The following RUNX2 variants were observed in gnomAD, a reference collection of about 807,000 sequenced individuals.
RUNX2 encodes the protein runt-related transcription factor 2.
Under a neutral mutation model 51.7 loss-of-function variants are expected in RUNX2, and 10 were observed. That is an observed-to-expected ratio of 0.19 (90% CI 0.12 to 0.33). The LOEUF is 0.33. Among genes scored for constraint, RUNX2 ranks in the 10% least tolerant of loss-of-function variants. RUNX2 has a pLI of 1.00. For synonymous variants in RUNX2, 276 were observed against 273.6 expected (o/e 1.01, Z -0.09); for missense variants, 562 against 691.3 (o/e 0.81, Z 2.10).
rs181503953 is a variant in RUNX2, at chr6:45,534,044, G to A, written c.1022-11173G>A. Among the ~76,000 whole-genome samples, 400 of 151,794 alleles carry A rather than the reference G, an allele frequency of 2.6e-3. 1 individual carries two copies. Among genetic ancestry groups the A allele is most frequent in the African/African-American group, 9.1e-3 (377 of 41,320 alleles). On this transcript the variant is annotated intron_variant, in intron 7 of 8. Coordinates refer to ENST00000647337, the MANE Select transcript of RUNX2 (RefSeq NM_001024630.4). The stretch of plus-strand genomic sequence containing the variant: ...CGAGTAGCTGGGACTACAGGTGCCC[G>A]CCATCACGCCTGGCTAATTTTTGTA...
intron 2 of RUNX2, among the ~76,000 whole-genome samples, chr6:45,330,445 A>AG (rs1444737047): frequency 1.3e-5 from 2 of 152,012 alleles, no homozygotes; most frequent in African/African-American, 4.8e-5. Flanking sequence ...GGGATAACAG[A>AG]GGCAGTTAAG....
At chr6:45,465,924 G>C (rs1167786132) in intron 5 of RUNX2, among the ~76,000 whole-genome samples, 1 of 151,990 alleles carries the variant, frequency 6.6e-6, no homozygotes, top group Non-Finnish European at 1.5e-5. Context: ...GGGATTATAG[G>C]CGTGAGCGAC....
At chr6:45,541,808 C>T (rs551471090) in intron 7 of RUNX2, among the ~76,000 whole-genome samples, 1 of 152,334 alleles carries the variant, frequency 6.6e-6, no homozygotes, top group East Asian at 1.9e-4. Flanking sequence ...TCCCAGCTGA[C>T]AGCCCCAATG....
At chr6:45,485,691 G>GTATATATATATATATATA (rs1368496560) in intron 5 of RUNX2, among the ~76,000 whole-genome samples, 19 of 82,154 alleles carry the variant, frequency 2.3e-4, no homozygotes, top group African/African-American at 5.1e-4. Flanking sequence ...GTGTGTGTGT[G>GTATATATATATATATATA]TGTGTGTATA....
At chr6:45,445,617 C>T (rs1798971862) in intron 5 of RUNX2, among the ~76,000 whole-genome samples, 1 of 152,064 alleles carries the variant, frequency 6.6e-6, no homozygotes, top group South Asian at 2.1e-4. Context: ...TCACTGTCTC[C>T]GAAGTGCCCA....
At position 45,504,598 on chromosome 6, in the gene RUNX2, G is replaced by T. The variant is rs146547753; in HGVS notation, c.860-7648G>T. 6.6e-5 allele frequency among the ~76,000 whole-genome samples: 10 copies of T among 152,276 alleles called. No individual in the cohort carries two copies. In the East Asian group the frequency reaches 1.9e-3, roughly 29 times the overall value. On this transcript the variant is annotated intron_variant, in intron 6 of 8. Coordinates refer to ENST00000647337, the MANE Select transcript of RUNX2 (RefSeq NM_001024630.4). ...TGACAGGGTTATTAGAAAAGACATA[G>T]AATTTAACATTTCATATTTAGTGTA...
intron 5 of RUNX2, among the ~76,000 whole-genome samples, chr6:45,447,197 C>T (rs1799027796): frequency 1.3e-5 from 2 of 152,206 alleles, no homozygotes; most frequent in African/African-American, 4.8e-5. Flanking sequence ...CAGTGAGTGG[C>T]AGTGTGCAGC....
At chr6:45,355,121 C>A (rs1255761741) in intron 2 of RUNX2, among the ~76,000 whole-genome samples, 1 of 149,030 alleles carries the variant, frequency 6.7e-6, no homozygotes. Context: ...GCCACAGGAG[C>A]ATGCCAAAAG....
At chr6:45,522,776 T>C (rs954697430) in intron 7 of RUNX2, among the ~76,000 whole-genome samples, 3 of 152,242 alleles carry the variant, frequency 2.0e-5, no homozygotes, top group African/African-American at 7.2e-5. Flanking sequence ...TAGCATTCAG[T>C]AGAAAAGTCT....
intron 4 of RUNX2, among the ~76,000 whole-genome samples, chr6:45,437,119 A>G (rs1359709744): frequency 6.6e-6 from 1 of 152,244 alleles, no homozygotes; most frequent in Non-Finnish European, 1.5e-5. Context: ...CAAATATGCT[A>G]CCAAACTTTT....
chr6:45,477,185 C>T (rs982805377), intron 5 of RUNX2, among the ~76,000 whole-genome samples: 4 of 152,154 alleles, frequency 2.6e-5, no homozygotes, highest in Non-Finnish European at 5.9e-5. Context: ...TTTCTCTTTC[C>T]TAGATCACTT....
chr6:45,334,229 T>C (rs1427253914), intron 2 of RUNX2, among the ~76,000 whole-genome samples: 1 of 151,196 alleles, frequency 6.6e-6, no homozygotes, highest in Non-Finnish European at 1.5e-5. Context: ...AATTTTATTT[T>C]ACATTTCAGT....
intron 7 of RUNX2, among the ~76,000 whole-genome samples, chr6:45,521,452 A>G (rs992268238): frequency 6.6e-6 from 1 of 152,240 alleles, no homozygotes; most frequent in Non-Finnish European, 1.5e-5. Context: ...ATGCCAAAAC[A>G]TATTTTAGGT....
chr6:45,342,528 C>T (rs12205312), intron 2 of RUNX2, among the ~76,000 whole-genome samples: 7 of 152,072 alleles, frequency 4.6e-5, no homozygotes, highest in Admixed American at 2.6e-4. Context: ...CAAAGTGCTG[C>T]GATTACACGC....
intron 5 of RUNX2, among the ~76,000 whole-genome samples, chr6:45,471,508 G>A (rs182277270): frequency 4.7e-5 from 7 of 149,982 alleles, no homozygotes; most frequent in Admixed American, 4.0e-4. Flanking sequence ...GTGGTGGCGC[G>A]ATCTCGGCTC....
At chr6:45,373,140 C>A (rs143523977) in intron 2 of RUNX2, among the ~76,000 whole-genome samples, 15 of 152,120 alleles carry the variant, frequency 9.9e-5, no homozygotes, top group Admixed American at 9.8e-4. Flanking sequence ...TTTCTAGAGA[C>A]CAGGTCTCAC....
chr6:45,444,087 T>C (rs1189055713), intron 5 of RUNX2, among the ~76,000 whole-genome samples: 1 of 152,192 alleles, frequency 6.6e-6, no homozygotes, highest in East Asian at 1.9e-4. Flanking sequence ...TGACCTCAGG[T>C]GATCTGCCCG....
intron 2 of RUNX2, among the ~76,000 whole-genome samples, chr6:45,403,475 C>A (rs935721512): frequency 2.0e-5 from 3 of 152,028 alleles, no homozygotes; most frequent in African/African-American, 7.2e-5. Flanking sequence ...TCAGGTGATC[C>A]GCCCGCCTCA....
intron 4 of RUNX2, among the ~76,000 whole-genome samples, chr6:45,437,159 G>T (rs927469833): frequency 6.6e-6 from 1 of 152,106 alleles, no homozygotes; most frequent in Admixed American, 6.5e-5. Context: ...CTTATTCGTC[G>T]CTTTTAGCTC....
Sources: gnomAD v4.1 joint callset for allele counts (sites outside exome capture counted in the v4.1 genomes callset) on GRCh38, gnomAD v4.1.1 for gene constraint, MANE v1.5 for transcripts, NCBI Gene and HGNC (gene_info 2026-07-23, HGNC 2026-07-21) for gene names.